Variants in NRG3 observed in about 807,000 individuals in gnomAD.
The protein encoded by NRG3 is pro-neuregulin-3, membrane-bound isoform.
NRG3 carries 31 observed loss-of-function variants against 66.9 expected under a neutral mutation model. That is an observed-to-expected ratio of 0.46 (90% CI 0.35 to 0.63). The LOEUF is 0.63. Ranked by LOEUF, NRG3 falls within the 20% of genes least tolerant of loss-of-function variation. NRG3 has a pLI of 0.00. For synonymous variants in NRG3, 393 were observed against 359.4 expected (o/e 1.09, Z -1.06); for missense variants, 910 against 878.9 (o/e 1.04, Z -0.45).
chr10:82,509,519 G>A (rs999410768), intron 2 of NRG3, among the ~76,000 whole-genome samples: 7 of 152,154 alleles, frequency 4.6e-5, no homozygotes, highest in Non-Finnish European at 1.0e-4. Flanking sequence ...CAGAATGCAT[G>A]CCTCAACAAA....
intron 3 of NRG3, among the ~76,000 whole-genome samples, chr10:82,748,755 C>T (rs2058742217): frequency 6.6e-6 from 1 of 150,560 alleles, no homozygotes; most frequent in Non-Finnish European, 1.5e-5. Flanking sequence ...AATCAATTCC[C>T]ACTTTAATGT....
chr10:82,894,912 C>T (rs376821304), intron 4 of NRG3, among the ~76,000 whole-genome samples: 75 of 152,136 alleles, frequency 4.9e-4, no homozygotes, highest in African/African-American at 1.8e-3. Context: ...CACTGCCCGA[C>T]AGGCCCTGGT....
chr10:82,821,130 C>CA (rs2061935318), intron 3 of NRG3, among the ~76,000 whole-genome samples: 1 of 152,188 alleles, frequency 6.6e-6, no homozygotes. Context: ...AGCACTATCA[C>CA]AGAGTCAGAT....
intron 1 of NRG3, among the ~76,000 whole-genome samples, chr10:81,965,795 G>A (rs960600071): frequency 5.3e-5 from 8 of 152,202 alleles, no homozygotes; most frequent in South Asian, 2.1e-4. Context: ...TAAGAGTTGT[G>A]AGTTGATAGT....
At position 82,128,975 on chromosome 10, in the gene NRG3, G is replaced by A. The variant is rs7091666; in HGVS notation, c.824-229764G>A. On this transcript the variant is annotated intron_variant, in intron 1 of 8. Coordinates refer to ENST00000372141, the MANE Select transcript of NRG3 (RefSeq NM_001010848.4). ...GTCATCCAGGCTGGAGTGCAGTGGC[G>A]TGATATCGGCTCACTGCAACCTCGC... 9.2e-3 allele frequency among the ~76,000 whole-genome samples: 1,405 copies of A among 152,002 alleles called. 27 individuals are homozygous for A. The highest frequency in any genetic ancestry group is 0.029 in the African/African-American group (1,192 of 41,474).
At position 82,322,033 on chromosome 10, in the gene NRG3, T is replaced by C. The variant is rs1270699085; in HGVS notation, c.824-36706T>C. ...ATTTCAAAAATATAAAGAACTCCAT[T>C]ATCTTATGATATTTTATTAGTATCT... On this transcript the variant is annotated intron_variant, in intron 1 of 8. Coordinates refer to ENST00000372141, the MANE Select transcript of NRG3 (RefSeq NM_001010848.4). 2.0e-5 allele frequency among the ~76,000 whole-genome samples: 3 copies of C among 152,220 alleles called. No individual in the cohort carries two copies. In the East Asian group the frequency reaches 5.8e-4, roughly 29 times the overall value.
At chr10:82,448,425 A>T (rs898579189) in intron 2 of NRG3, among the ~76,000 whole-genome samples, 2 of 152,206 alleles carry the variant, frequency 1.3e-5, no homozygotes, top group African/African-American at 4.8e-5. Context: ...GCATACATTT[A>T]CAGAGTATTT....
chr10:82,519,882 G>C (rs1846035145), intron 2 of NRG3, among the ~76,000 whole-genome samples: 1 of 152,094 alleles, frequency 6.6e-6, no homozygotes, highest in Non-Finnish European at 1.5e-5. Flanking sequence ...TGTAGTCAAT[G>C]AAGAAGTTTA....
intron 1 of NRG3, among the ~76,000 whole-genome samples, chr10:81,898,301 A>G (rs1424204380): frequency 1.3e-5 from 2 of 152,192 alleles, no homozygotes; most frequent in African/African-American, 4.8e-5. Context: ...TGGTTGTCAC[A>G]TCAGGGGAAG....
intron 3 of NRG3, among the ~76,000 whole-genome samples, chr10:82,740,243 C>G (rs1402495170): frequency 6.6e-6 from 1 of 151,012 alleles, no homozygotes; most frequent in Non-Finnish European, 1.5e-5. Flanking sequence ...CTTCCTTCCT[C>G]CCTCCCTCCC....
chr10:82,348,324 T>C (rs1460686563), intron 1 of NRG3, among the ~76,000 whole-genome samples: 2 of 148,464 alleles, frequency 1.3e-5, no homozygotes, highest in Non-Finnish European at 3.0e-5. Flanking sequence ...CCTTCACTTA[T>C]GAAGCTTAGT....
intron 2 of NRG3, among the ~76,000 whole-genome samples, chr10:82,469,363 C>T (rs1841007736): frequency 6.6e-6 from 1 of 152,056 alleles, no homozygotes; most frequent in African/African-American, 2.4e-5. Flanking sequence ...TGTAAAGAAA[C>T]CCAGATCTGT....
chr10:82,564,684 T>C (rs962386850), intron 2 of NRG3, among the ~76,000 whole-genome samples: 2 of 152,088 alleles, frequency 1.3e-5, no homozygotes, highest in East Asian at 3.9e-4. Flanking sequence ...ACAAAGTGCC[T>C]ATTTTACACA....
At chr10:81,924,505 T>A (rs1181301233) in intron 1 of NRG3, among the ~76,000 whole-genome samples, 1 of 152,202 alleles carries the variant, frequency 6.6e-6, no homozygotes, top group Non-Finnish European at 1.5e-5. Context: ...ACAAGTTTTC[T>A]TGTGAGCTGT....
intron 3 of NRG3, among the ~76,000 whole-genome samples, chr10:82,756,924 A>G (rs769250075): frequency 3.9e-5 from 6 of 152,044 alleles, no homozygotes; most frequent in Non-Finnish European, 8.8e-5. Context: ...ACCTGGGGAA[A>G]GTATTTTGGT....
intron 1 of NRG3, among the ~76,000 whole-genome samples, chr10:82,199,172 GAA>G (rs754643270): frequency 5.6e-5 from 6 of 106,560 alleles, no homozygotes; most frequent in East Asian, 2.4e-4. Flanking sequence ...ACTCTGTCCG[GAA>G]AAAAAAAAAA....
chr10:82,217,620 G>T (rs2075750715), intron 1 of NRG3, among the ~76,000 whole-genome samples: 1 of 152,152 alleles, frequency 6.6e-6, no homozygotes, highest in Non-Finnish European at 1.5e-5. Context: ...GATAATTCAA[G>T]AAAATCATGT....
At chr10:81,994,599 A>G (rs956836194) in intron 1 of NRG3, among the ~76,000 whole-genome samples, 5 of 152,060 alleles carry the variant, frequency 3.3e-5, no homozygotes, top group East Asian at 3.9e-4. Context: ...AAGAATTTGT[A>G]TATGAGATAA....
chr10:82,907,371 A>G (rs562330589), intron 4 of NRG3, among the ~76,000 whole-genome samples: 1 of 152,224 alleles, frequency 6.6e-6, no homozygotes, highest in South Asian at 2.1e-4. Context: ...TTTCTGGAAT[A>G]TATCATTTTA....
Sources: allele counts gnomAD v4.1 joint callset (sites outside exome capture counted in the v4.1 genomes callset), GRCh38; gene constraint gnomAD v4.1.1; transcripts MANE v1.5; gene names NCBI Gene and HGNC (gene_info 2026-07-23, HGNC 2026-07-21).